SLC35F3: variants seen among roughly 807,000 people sequenced by gnomAD.
The protein encoded by SLC35F3 is putative thiamine transporter SLC35F3.
A neutral mutation model predicts 49.9 loss-of-function variants in SLC35F3; 25 were observed. The observed-to-expected ratio is 0.50, with a 90% CI of 0.37 to 0.70. The LOEUF (loss-of-function observed/expected upper bound fraction) is 0.70. Ranked by LOEUF, SLC35F3 falls within the 30% of genes least tolerant of loss-of-function variation. The probability of loss-of-function intolerance (pLI) is 0.00; values close to 1 mark genes in which losing one functional copy is unlikely to be tolerated. For synonymous variants in SLC35F3, 275 were observed against 265.4 expected (o/e 1.04, Z -0.35); for missense variants, 525 against 639.8 (o/e 0.82, Z 1.94).
chr1:234,156,350 T>C (rs1296434501), intron 2 of SLC35F3, among the ~76,000 whole-genome samples: 1 of 152,194 alleles, frequency 6.6e-6, no homozygotes, highest in Non-Finnish European at 1.5e-5. Context: ...GGCTGAAGCC[T>C]TTGTAAAGTG....
chr1:234,032,502 C>A (rs1664078982), intron 2 of SLC35F3, among the ~76,000 whole-genome samples: 1 of 152,150 alleles, frequency 6.6e-6, no homozygotes, highest in Non-Finnish European at 1.5e-5. Flanking sequence ...TTTTATTCCT[C>A]ACCTCCCTTC....
At chr1:234,293,362 C>T (rs995117252) in intron 3 of SLC35F3, among the ~76,000 whole-genome samples, 1 of 152,216 alleles carries the variant, frequency 6.6e-6, no homozygotes, top group African/African-American at 2.4e-5. Flanking sequence ...AGCCGGAGCT[C>T]AGCTGTACCC....
intron 3 of SLC35F3, among the ~76,000 whole-genome samples, chr1:234,278,794 T>C (rs1668257075): frequency 6.6e-6 from 1 of 152,052 alleles, no homozygotes; most frequent in Admixed American, 6.5e-5. Context: ...CAAGCTCTCT[T>C]TTGTCTCTCT....
intron 3 of SLC35F3, among the ~76,000 whole-genome samples, chr1:234,286,859 A>AAAAT (rs1006335176): frequency 2.6e-5 from 4 of 152,312 alleles, no homozygotes; most frequent in South Asian, 2.1e-4. Context: ...CGTTAGTTCA[A>AAAAT]AAATAAATAA....
chr1:234,259,687 G>GATAATA (rs199933955), intron 3 of SLC35F3, among the ~76,000 whole-genome samples: 3 of 150,722 alleles, frequency 2.0e-5, no homozygotes, highest in African/African-American at 7.3e-5. Context: ...TAATAATAAT[G>GATAATA]ATAATAATAA....
At chr1:234,109,636 TAGGG>T (rs539766218) in intron 2 of SLC35F3, among the ~76,000 whole-genome samples, 136 of 152,246 alleles carry the variant, frequency 8.9e-4, no homozygotes, top group African/African-American at 2.9e-3. Context: ...AGTGAACACT[TAGGG>T]AGGGACTACT....
intron 2 of SLC35F3, among the ~76,000 whole-genome samples, chr1:234,221,211 C>T (rs1002317647): frequency 8.5e-5 from 13 of 152,110 alleles, no homozygotes; most frequent in Admixed American, 5.2e-4. Context: ...GGGGGCATTA[C>T]TGGATACTTG....
intron 2 of SLC35F3, among the ~76,000 whole-genome samples, chr1:234,005,717 C>T (rs1054831201): frequency 1.1e-4 from 16 of 152,168 alleles, no homozygotes; most frequent in African/African-American, 3.6e-4. Flanking sequence ...GGCGCCCTAA[C>T]CTGATTCTTG....
chr1:234,125,794 G>A (rs1665637482), intron 2 of SLC35F3, among the ~76,000 whole-genome samples: 2 of 152,110 alleles, frequency 1.3e-5, no homozygotes, highest in South Asian at 4.1e-4. Flanking sequence ...GGCACTCCCC[G>A]CCTTCTCAGC....
At chr1:234,198,188 A>T (rs1232705885) in intron 2 of SLC35F3, among the ~76,000 whole-genome samples, 1 of 152,214 alleles carries the variant, frequency 6.6e-6, no homozygotes, top group Non-Finnish European at 1.5e-5. Flanking sequence ...GTAAGAAATG[A>T]TTTCCTGTGA....
intron 3 of SLC35F3, among the ~76,000 whole-genome samples, chr1:234,239,811 C>T (rs575134565): frequency 1.6e-4 from 25 of 152,322 alleles, no homozygotes; most frequent in Admixed American, 1.2e-3. Flanking sequence ...CTCATCTCTT[C>T]CTTTATTTGG....
chr1:234,226,426 CG>C (rs1341605030), intron 2 of SLC35F3, among the ~76,000 whole-genome samples: 2 of 151,638 alleles, frequency 1.3e-5, no homozygotes, highest in Non-Finnish European at 2.9e-5. Flanking sequence ...CACTTATTCT[CG>C]GGGAAGCTCA....
At chr1:234,279,808 T>C (rs1009043612) in intron 3 of SLC35F3, among the ~76,000 whole-genome samples, 10 of 152,210 alleles carry the variant, frequency 6.6e-5, no homozygotes, top group African/African-American at 9.6e-5. Flanking sequence ...AATTTGTGAA[T>C]TGGTCCCATT....
At chr1:233,986,502 A>G (rs1663268118) in intron 2 of SLC35F3, among the ~76,000 whole-genome samples, 1 of 152,226 alleles carries the variant, frequency 6.6e-6, no homozygotes, top group Admixed American at 6.5e-5. Flanking sequence ...TATAGCATAT[A>G]TGTATATGTA....
chr1:234,220,175 C>A (rs1667182005), intron 2 of SLC35F3, among the ~76,000 whole-genome samples: 1 of 148,612 alleles, frequency 6.7e-6, no homozygotes. Flanking sequence ...GTTATGAAAT[C>A]TCTTTCATCA....
intron 4 of SLC35F3, among the ~76,000 whole-genome samples, chr1:234,314,617 C>T (rs959369179): frequency 6.6e-6 from 1 of 152,116 alleles, no homozygotes; most frequent in Non-Finnish European, 1.5e-5. Context: ...AAAATTTAGC[C>T]AGGTGTGGTG....
At chr1:233,917,037 G>A (rs1489988434) in intron 2 of SLC35F3, among the ~76,000 whole-genome samples, 1 of 152,124 alleles carries the variant, frequency 6.6e-6, no homozygotes, top group African/African-American at 2.4e-5. Context: ...TAGCTCCTCA[G>A]GGAAGTATAT....
chr1:234,101,884 A>G (rs1665220171), intron 2 of SLC35F3, among the ~76,000 whole-genome samples: 1 of 152,244 alleles, frequency 6.6e-6, no homozygotes, highest in Non-Finnish European at 1.5e-5. Flanking sequence ...ATTTTGCTGT[A>G]GCAATATCAG....
chr1:234,193,959 T>G (rs183072791), intron 2 of SLC35F3, among the ~76,000 whole-genome samples: 1 of 152,296 alleles, frequency 6.6e-6, no homozygotes, highest in East Asian at 1.9e-4. Flanking sequence ...GATGTTGGCA[T>G]GGATATGGTG....
Sources: allele counts gnomAD v4.1 joint callset (sites outside exome capture counted in the v4.1 genomes callset), GRCh38; gene constraint gnomAD v4.1.1; transcripts MANE v1.5; gene names NCBI Gene and HGNC (gene_info 2026-07-23, HGNC 2026-07-21).